The following JPH2 variants were observed in gnomAD, a reference collection of about 807,000 sequenced individuals.
JPH2 encodes junctophilin-2.
A neutral mutation model predicts 55.9 loss-of-function variants in JPH2; 38 were observed. The ratio of observed to expected loss-of-function variants is 0.68; its 90% CI spans 0.52 to 0.89. JPH2 has a LOEUF of 0.89. Among genes scored for constraint, JPH2 ranks in the 40% least tolerant of loss-of-function variants. The pLI is 0.00. For missense variants in JPH2, 964 were observed against 1,037.6 expected (o/e 0.93, Z 0.97); for synonymous variants, 480 against 472.4 (o/e 1.02, Z -0.21).
intron 1 of JPH2, among the ~76,000 whole-genome samples, chr20:44,178,970 C>T (rs1029301015): frequency 1.3e-5 from 2 of 152,190 alleles, no homozygotes; most frequent in Non-Finnish European, 2.9e-5. Flanking sequence ...CTCCCGTGTT[C>T]AGAGTCAATT....
intron 5 of JPH2, 140 bp downstream of exon 5, chr20:44,114,642 C>A: frequency 4.7e-6 from 3 of 632,538 alleles, no homozygotes; most frequent in Non-Finnish European, 8.7e-6. Flanking sequence ...TAGGTCTTGG[C>A]TTCTGCAGGT....
At chr20:44,185,669 AGATGGATGGATGGATG>A (rs34539425) in intron 1 of JPH2, among the ~76,000 whole-genome samples, 3 of 147,970 alleles carry the variant, frequency 2.0e-5, no homozygotes, top group African/African-American at 7.5e-5. Flanking sequence ...GATGGATCAT[AGATGGATGGATGGATG>A]GATGGATGGA....
intron 2 of JPH2, among the ~76,000 whole-genome samples, chr20:44,120,282 C>T (rs538121250): frequency 1.3e-5 from 2 of 152,262 alleles, no homozygotes; most frequent in African/African-American, 4.8e-5. Flanking sequence ...TGGAGCAAAG[C>T]CCCTTCCCAC....
At position 44,114,831 on chromosome 20, in the gene JPH2, C is replaced by T. The variant is rs778774256; in HGVS notation, c.2056G>A (p.Gly686Ser). 6.2e-6 allele frequency: 10 copies of T among 1,607,478 alleles called. No homozygotes were observed. Among genetic ancestry groups the T allele is most frequent in the African/African-American group, 2.7e-5 (2 of 74,828 alleles). Residue 686 changes from glycine (G) to serine (S), a missense_variant, in exon 5 of 6, where the codon GGC becomes AGC. Transcript: ENST00000372980. ...LICMVILLNIGLAILFVHLLT is the reference protein window; with the variant it reads ...LICMVILLNISLAILFVHLLT ...AGGTGAACAAAGAGGATGGCCAGGC[C>T]GATGTTCAGCAGGATCACCATGCAG...
At chr20:44,183,181 T>C (rs781260527) in intron 1 of JPH2, among the ~76,000 whole-genome samples, 12 of 152,236 alleles carry the variant, frequency 7.9e-5, no homozygotes, top group Non-Finnish European at 1.3e-4. Flanking sequence ...TAACTGATGC[T>C]GTATAAGCAC....
intron 1 of JPH2, among the ~76,000 whole-genome samples, chr20:44,179,297 G>A (rs1458208349): frequency 6.6e-6 from 1 of 152,182 alleles, no homozygotes; most frequent in Non-Finnish European, 1.5e-5. Flanking sequence ...ATTCTTTTTA[G>A]ATGTGTATAG....
intron 1 of JPH2, among the ~76,000 whole-genome samples, chr20:44,183,009 C>T (rs2072798569): frequency 6.6e-6 from 1 of 152,086 alleles, no homozygotes; most frequent in African/African-American, 2.4e-5. Context: ...CACATCCAGA[C>T]CCAAAACACA....
At chr20:44,119,873 CAAAAAAA>C (rs56808570) in intron 2 of JPH2, among the ~76,000 whole-genome samples, 32 of 121,442 alleles carry the variant, frequency 2.6e-4, no homozygotes, top group East Asian at 2.6e-3. Flanking sequence ...GACTCCATCT[CAAAAAAA>C]AAAAAAAAAA....
chr20:44,159,943 C>T lies in JPH2; in HGVS notation c.844G>A (p.Asp282Asn). 6.3e-7 allele frequency: 1 copy of T among 1,574,884 alleles called. No homozygotes were observed. Among genetic ancestry groups the T allele is most frequent in the African/African-American group, 1.6e-5 (1 of 64,100 alleles). The change falls in exon 2 of 6, where the codon GAT becomes AAT. Residue 282 changes from aspartate (D) to asparagine (N), a missense_variant. Coordinates refer to ENST00000372980, the MANE Select transcript of JPH2 (RefSeq NM_020433.5). This position sits in a 1 kb window ranked among gnomAD's most constrained non-coding sequence, Gnocchi z 5.7. ...GTCTCGGTGGTGGTGGCGTCGATAT[C>T]GGCCTCGAAGGGTGCGGCCTCGTCG... is the stretch of plus-strand genomic sequence containing the variant. ...GADEAAPFEADIDATTTETYM... is the reference protein window; with the variant it reads ...GADEAAPFEANIDATTTETYM...
chr20:44,165,900 C>A (rs1021520685), intron 1 of JPH2, among the ~76,000 whole-genome samples: 32 of 152,188 alleles, frequency 2.1e-4, no homozygotes, highest in Non-Finnish European at 1.0e-4. Context: ...TGCCCAAGGT[C>A]TTCTATCTCC....
chr20:44,163,948 G>T (rs2145882884), intron 1 of JPH2, among the ~76,000 whole-genome samples: 1 of 152,292 alleles, frequency 6.6e-6, no homozygotes, highest in Non-Finnish European at 1.5e-5. Context: ...GCAATAAAAG[G>T]GCTAAAGAGA....
At position 44,186,530 on chromosome 20, in the gene JPH2, G is replaced by A. The variant is rs1171742766; in HGVS notation, c.176C>T (p.Thr59Ile). The A allele has an allele frequency of 6.2e-7, 1 of 1,613,588 alleles. No homozygotes were observed. Among genetic ancestry groups the A allele is most frequent in the African/African-American group, 1.3e-5 (1 of 74,878 alleles). ...AGVYTWPSGN[T>I]FEGYWSQGKR... The stretch of plus-strand genomic sequence containing the variant: ...GCCCTGGCTCCAGTATCCCTCAAAG[G>A]TGTTTCCGCTGGGCCAGGTGTAGAC... The change falls in exon 1 of 6, where the codon ACC becomes ATC. Residue 59 changes from threonine to isoleucine, a missense_variant. Thr to Ile is a moderately conservative substitution (Grantham distance 89, BLOSUM62 -1). Transcript: ENST00000372980.
In JPH2 at chr20:44,115,842, G is replaced by A; in HGVS notation, c.1833C>T (p.Gly611=). Residue 611 remains glycine (G), a synonymous_variant, in exon 4 of 6, where the codon GGC becomes GGT. Transcript: ENST00000372980. The part of the protein sequence containing the change: ...TAPLQAPTLR[G]PEPARETPAK... ...CGGGGGTCTCGCGTGCAGGCTCGGG[G>A]CCTCGGAGCGTGGGGGCCTGCAGCG... 6.3e-7 allele frequency: 1 copy of A among 1,595,440 alleles called. No individual in the cohort carries two copies. Among genetic ancestry groups the A allele is most frequent in the South Asian group, 1.1e-5 (1 of 90,658 alleles).
chr20:44,180,175 G>T (rs920006825), intron 1 of JPH2, among the ~76,000 whole-genome samples: 3 of 152,148 alleles, frequency 2.0e-5, no homozygotes, highest in African/African-American at 7.2e-5. Flanking sequence ...CCAAGATTGC[G>T]CCATTGTACC....
intron 2 of JPH2, among the ~76,000 whole-genome samples, chr20:44,135,535 G>A (rs113970561): frequency 2.6e-5 from 4 of 152,088 alleles, no homozygotes; most frequent in African/African-American, 4.8e-5. Flanking sequence ...GCTCTCTACC[G>A]TCTCCTGCAT....
chr20:44,174,643 G>A (rs1215459878), intron 1 of JPH2, among the ~76,000 whole-genome samples: 8 of 151,886 alleles, frequency 5.3e-5, no homozygotes, highest in African/African-American at 1.7e-4. Flanking sequence ...GTGTGGTGGC[G>A]CTTGCCTGTA....
In JPH2 at chr20:44,110,925, C is replaced by G. The variant is rs1002750707; in HGVS notation, c.*2593G>C. ...GGTAGGGGAGCCAGGCTCCTGAGGA[C>G]AGGGTGTGCCTGAACTCGAGCCTAC... On this transcript the variant is annotated 3_prime_UTR_variant, in exon 6 of 6. Transcript: ENST00000372980. 1.3e-5 allele frequency among the ~76,000 whole-genome samples: 2 copies of G among 152,194 alleles called. No homozygotes were observed. Among genetic ancestry groups the G allele is most frequent in the African/African-American group, 4.8e-5 (2 of 41,456 alleles).
rs1019738771 is a variant in JPH2, at chr20:44,177,479, G to A, written c.379+8848C>T. ...CACATGAATCACTGAAAACAAGGCC[G>A]TGGACAGGAAAGACTAATACGGTCC... is the stretch of plus-strand genomic sequence containing the variant. On this transcript the variant is annotated intron_variant, in intron 1 of 5. Coordinates refer to ENST00000372980, the MANE Select transcript of JPH2 (RefSeq NM_020433.5). The A allele has an allele frequency of 6.0e-6, 6 of 993,362 alleles. No individual in the cohort carries two copies. In the Admixed American group the frequency reaches 2.3e-4, roughly 38 times the overall value. 61.5% of individuals were successfully genotyped at this position (993,362 alleles called of 1,614,324 possible). A position where few individuals can be genotyped will look rare whatever the true frequency, so the allele number is the denominator to read the frequency against.
intron 2 of JPH2, among the ~76,000 whole-genome samples, chr20:44,144,983 AGG>A: frequency 7.1e-5 from 1 of 14,120 alleles, no homozygotes; most frequent in Non-Finnish European, 2.5e-4. Flanking sequence ...GAAGAAATGG[AGG>A]TACAGGAAGC....
Sources: gnomAD v4.1 joint callset for allele counts (sites outside exome capture counted in the v4.1 genomes callset) on GRCh38, gnomAD v4.1.1 for gene constraint, Gnocchi (gnomAD v3.1) non-coding constraint, MANE v1.5 for transcripts, NCBI Gene and HGNC (gene_info 2026-07-23, HGNC 2026-07-21) for gene names.